HTATSF1: variants seen among roughly 807,000 people sequenced by gnomAD.
HTATSF1 encodes the protein HIV-1 Tat specific factor 1, also known as 17S U2 SnRNP complex component HTATSF1.
Under a neutral mutation model 46.1 loss-of-function variants are expected in HTATSF1, and 6 were observed. That is an observed-to-expected ratio of 0.13 (90% CI 0.07 to 0.26). The LOEUF is 0.26. HTATSF1 is among the 10% of genes least tolerant of loss of function. The pLI is 1.00. For missense variants in HTATSF1, 452 were observed against 559.9 expected (o/e 0.81, Z 1.94); for synonymous variants, 226 against 211.5 (o/e 1.07, Z -0.60).
At chrX:136,504,101 C>A (rs1009930783) in intron 5 of HTATSF1, among the ~76,000 whole-genome samples, 1 of 111,354 alleles carries the variant, frequency 9.0e-6, no homozygotes, top group African/African-American at 3.3e-5. Flanking sequence ...GAACTCCTGG[C>A]CTCAAGTGAT....
chrX:136,498,104 T>C (rs868226424), intron 1 of HTATSF1, among the ~76,000 whole-genome samples: 2 of 112,786 alleles, frequency 1.8e-5, no homozygotes, highest in African/African-American at 3.2e-5. Context: ...TAATCTTGTC[T>C]GTGAAGGTCA....
At chrX:136,509,207 T>C in intron 7 of HTATSF1, 27 bp downstream of exon 7, 1 of 1,017,144 alleles carries the variant, frequency 9.8e-7, no homozygotes. Context: ...GACATATGGA[T>C]CCTAAAGCAA....
chrX:136,506,081 G>A (rs189120787), intron 6 of HTATSF1, among the ~76,000 whole-genome samples: 405 of 111,846 alleles, frequency 3.6e-3, no homozygotes, highest in Non-Finnish European at 5.3e-3. Context: ...AGTCTGTTGT[G>A]TAATTTTAAT....
At chrX:136,504,343 G>A (rs1228750501) in intron 5 of HTATSF1, 21 bp from the exon 6 acceptor site, 1 of 1,168,745 alleles carries the variant, frequency 8.6e-7, no homozygotes, top group African/African-American at 1.8e-5. Flanking sequence ...ACAGTTTGTT[G>A]TTACTGCTTC....
At chrX:136,509,223 C>A (rs758331815) in intron 7 of HTATSF1, 43 bp downstream of exon 7, 4 of 927,661 alleles carry the variant, frequency 4.3e-6, no homozygotes, top group Non-Finnish European at 4.7e-6. Flanking sequence ...AGCAATAATT[C>A]CTCCACCTTA....
chrX:136,504,478 G>A lies in HTATSF1; in HGVS notation c.834+15G>A, dbSNP rs1858807200. The A allele has an allele frequency of 1.3e-5, 15 of 1,140,521 alleles. No homozygotes were observed. Among genetic ancestry groups the A allele is most frequent in the Non-Finnish European group, 1.8e-5 (15 of 836,640 alleles). 94.0% of individuals were successfully genotyped at this position (1,140,521 alleles called of 1,213,427 possible). A position where few individuals can be genotyped will look rare whatever the true frequency, so the allele number is the denominator to read the frequency against. ...TGGATTTTGAGGTAGGAAGTGGTGT[G>A]CTTACTGATAGAAATGCTGATAGGC... On this transcript the variant is annotated intron_variant, in intron 6 of 8. Transcript: ENST00000218364.
chrX:136,510,750 C>T (rs1242718579), intron 8 of HTATSF1, 58 bp from the exon 9 acceptor site: 7 of 1,120,421 alleles, frequency 6.2e-6, no homozygotes, highest in African/African-American at 1.8e-5. Flanking sequence ...TAGATATGTT[C>T]AGAGAAGTAA....
In HTATSF1 at chrX:136,499,655, G is replaced by A. The variant is rs1477426617; in HGVS notation, c.244G>A (p.Ala82Thr). 8.4e-7 allele frequency: 1 copy of A among 1,197,248 alleles called. No homozygotes were observed. The highest frequency in any genetic ancestry group is 1.1e-6 in the Non-Finnish European group (1 of 889,482). The change falls in exon 2 of 9, where the codon GCA (alanine) becomes ACA (threonine). Residue 82 changes from alanine (A) to threonine (T), a missense_variant. This residue lies in a region of HTATSF1 where 89 missense variants were observed against 92.3 expected (regional missense o/e 0.96). Coordinates refer to ENST00000218364, the MANE Select transcript of HTATSF1 (RefSeq NM_014500.5). The part of the protein sequence containing the change: ...QANYGFSNDG[A>T]SSSTANVEDV... ...CAATTATGGCTTCTCTAACGATGGC[G>A]CATCTAGTTCTACCGCAAATGTTGA...
In HTATSF1 at chrX:136,511,840, G is replaced by A. The variant is rs956456417; in HGVS notation, c.2095G>A (p.Asp699Asn). 8.3e-7 allele frequency: 1 copy of A among 1,211,724 alleles called. No individual in the cohort carries two copies. Among genetic ancestry groups the A allele is most frequent in the African/African-American group, 1.7e-5 (1 of 57,770 alleles). The change falls in exon 9 of 9, where the codon GAT becomes AAT. Residue 699 changes from aspartate (D) to asparagine (N), a missense_variant. By Grantham distance (23) the Asp-to-Asn change is conservative. Transcript: ENST00000218364. ...VEDADEKLFE[D>N]DDSNEKLFDE... ...AGATGCTGACGAAAAGTTGTTCGAA[G>A]ATGATGATTCCAATGAGAAGTTGTT... is the stretch of plus-strand genomic sequence containing the variant.
intron 8 of HTATSF1, among the ~76,000 whole-genome samples, chrX:136,510,514 T>C (rs954772107): frequency 6.2e-5 from 7 of 112,447 alleles, no homozygotes; most frequent in Non-Finnish European, 1.1e-4. Context: ...TTCAACCAAA[T>C]GTTACTCTTC....
intron 4 of HTATSF1, among the ~76,000 whole-genome samples, chrX:136,502,476 A>G (rs1366618065): frequency 9.0e-6 from 1 of 110,998 alleles, no homozygotes; most frequent in Non-Finnish European, 1.9e-5. Flanking sequence ...AATTTTGTCA[A>G]GAACCTTGTG....
chrX:136,511,833 G>T lies in HTATSF1; in HGVS notation c.2088G>T (p.Leu696Phe), dbSNP rs1320324858. 1 of 1,211,466 alleles carries T rather than the reference G, an allele frequency of 8.3e-7. No individual in the cohort carries two copies. ...AAGTTGAAGATGCTGACGAAAAGTT[G>T]TTCGAAGATGATGATTCCAATGAGA... ...GKEVEDADEK[L>F]FEDDDSNEKL... Residue 696 changes from leucine to phenylalanine, a missense_variant, in exon 9 of 9, where the codon TTG (leucine) becomes TTT (phenylalanine). Coordinates refer to ENST00000218364, the MANE Select transcript of HTATSF1 (RefSeq NM_014500.5).
Position 136,511,774 on chromosome X carries a change from G to C in HTATSF1, c.2029G>C (p.Asp677His). 8.3e-7 allele frequency: 1 copy of C among 1,211,965 alleles called. No homozygotes were observed. The highest frequency in any genetic ancestry group is 1.1e-6 in the Non-Finnish European group (1 of 895,515). The change falls in exon 9 of 9, where the codon GAT (aspartate) becomes CAT (histidine). Residue 677 changes from aspartate to histidine, a missense_variant. Physicochemically the swap from Asp to His is moderately conservative, Grantham distance 81 (BLOSUM62 -1). Transcript: ENST00000218364. ...DADEKLFEES[D>H]DKEDEDADGK... ...AGATGAAAAGCTGTTTGAAGAGTCA[G>C]ATGACAAGGAAGATGAAGATGCAGA...
chrX:136,506,268 T>C (rs1294491340), intron 6 of HTATSF1, among the ~76,000 whole-genome samples: 1 of 112,182 alleles, frequency 8.9e-6, no homozygotes, highest in Non-Finnish European at 1.9e-5. Context: ...GATAGAAGTT[T>C]CATGCTTGCA....
Position 136,511,354 on chromosome X carries a change from A to G in HTATSF1, c.1609A>G (p.Lys537Glu), listed in dbSNP as rs1014750854. The G allele has an allele frequency of 9.9e-6, 12 of 1,207,025 alleles. No individual in the cohort carries two copies. The highest frequency in any genetic ancestry group is 3.5e-5 in the African/African-American group (2 of 56,874). ...KESEEEVGPT[K>E]ESEEDDSEKE... ...GTCTGAAGAGGAGGTTGGCCCCACA[A>G]AAGAGTCCGAAGAAGATGACTCAGA... Residue 537 changes from lysine to glutamate, a missense_variant, in exon 9 of 9, where the codon AAA becomes GAA. By Grantham distance (56) the Lys-to-Glu change is moderately conservative. This residue lies in a region of HTATSF1 where 246 missense variants were observed against 245.3 expected (regional missense o/e 1.00). Transcript: ENST00000218364.
upstream of HTATSF1, chrX:136,497,508 G>T (rs1220095630): frequency 1.4e-5 from 4 of 280,362 alleles, no homozygotes; most frequent in African/African-American, 2.8e-5. Flanking sequence ...AGAGGGGGGC[G>T]GTGCAGCCGC....
intron 6 of HTATSF1, among the ~76,000 whole-genome samples, chrX:136,505,028 G>A (rs912431813): frequency 4.5e-5 from 5 of 111,902 alleles, no homozygotes; most frequent in African/African-American, 1.6e-4. Flanking sequence ...AAAGAACAAG[G>A]AGTTCTGAGG....
chrX:136,507,204 T>C (rs941253851), intron 6 of HTATSF1, among the ~76,000 whole-genome samples: 6 of 111,869 alleles, frequency 5.4e-5, no homozygotes, highest in African/African-American at 9.8e-5. Context: ...TCCTGAGATA[T>C]CTGAAAGGAG....
chrX:136,509,719 A>G (rs866802998), intron 7 of HTATSF1, among the ~76,000 whole-genome samples: 1 of 112,472 alleles, frequency 8.9e-6, no homozygotes, highest in South Asian at 3.7e-4. Context: ...CACTTTAGAA[A>G]TTGAACACCT....
Sources: gnomAD v4.1 joint callset for allele counts (sites outside exome capture counted in the v4.1 genomes callset) on GRCh38, gnomAD v4.1.1 for gene constraint, gnomAD v4.1.1 regional missense constraint, MANE v1.5 for transcripts, NCBI Gene and HGNC (gene_info 2026-07-23, HGNC 2026-07-21) for gene names.